Variants in CMYA5 observed in about 807,000 individuals in gnomAD.
CMYA5 encodes cardiomyopathy associated 5, also known as cardiomyopathy-associated protein 5.
Under a neutral mutation model 318.9 loss-of-function variants are expected in CMYA5, and 246 were observed. That is an observed-to-expected ratio of 0.77 (90% CI 0.70 to 0.86). CMYA5 has a LOEUF of 0.86. Among genes scored for constraint, CMYA5 ranks in the 40% least tolerant of loss-of-function variants. The probability of loss-of-function intolerance (pLI) is 0.00; values close to 1 mark genes in which losing one functional copy is unlikely to be tolerated. For missense variants in CMYA5, 4,589 were observed against 4,678.2 expected, an observed-to-expected ratio of 0.98 and a Z score of 0.56; for synonymous variants, 1,641 against 1,729.5, an observed-to-expected ratio of 0.95 and a Z score of 1.27.
chr5:79,713,598 GCCCCAGCTC>G (rs958415637), intron 1 of CMYA5, among the ~76,000 whole-genome samples: 1 of 152,040 alleles, frequency 6.6e-6, no homozygotes, highest in Non-Finnish European at 1.5e-5. Context: ...TTGAATAACA[GCCCCAGCTC>G]ATGGCCAAGA....
intron 1 of CMYA5, among the ~76,000 whole-genome samples, chr5:79,728,305 G>A (rs1827790877): frequency 6.7e-6 from 1 of 149,516 alleles, no homozygotes; most frequent in Admixed American, 6.6e-5. Context: ...AGAGAGCTAA[G>A]GATTTTGAAC....
In CMYA5 at chr5:79,799,359, T is replaced by G; in HGVS notation, c.11964-11T>G. 6.3e-7 allele frequency: 1 copy of G among 1,585,662 alleles called. No individual in the cohort carries two copies. Among genetic ancestry groups the G allele is most frequent in the Non-Finnish European group, 8.6e-7 (1 of 1,159,016 alleles). On this transcript the variant is annotated splice_polypyrimidine_tract_variant and intron_variant, in intron 12 of 12. Coordinates refer to ENST00000446378, the MANE Select transcript of CMYA5 (RefSeq NM_153610.5). ...CCAGAGTTTTATGTTTCCCATTCGC[T>G]TTCATTTCAGATACACATTTTTCTA... is the stretch of plus-strand genomic sequence containing the variant.
chr5:79,732,237 T>C lies in CMYA5; in HGVS notation c.3472T>C (p.Ser1158Pro). 1 of 1,613,850 alleles carries C rather than the reference T, an allele frequency of 6.2e-7. No homozygotes were observed. Among genetic ancestry groups the C allele is most frequent in the Non-Finnish European group, 8.5e-7 (1 of 1,179,860 alleles). Residue 1158 changes from serine (S) to proline (P), a missense_variant, in exon 2 of 13, where the codon TCT becomes CCT. Transcript: ENST00000446378. ...AIPAALPAQS[S>P]IVKEETKPAS... ...ACCTGCTGCTTTACCTGCACAATCA[T>C]CTATAGTAAAGGAAGAAACCAAACC...
intron 5 of CMYA5, among the ~76,000 whole-genome samples, chr5:79,750,227 G>A (rs1828404964): frequency 6.6e-6 from 1 of 150,928 alleles, no homozygotes; most frequent in South Asian, 2.1e-4. Flanking sequence ...GATTCATCTT[G>A]TGAAGAGATG....
intron 1 of CMYA5, among the ~76,000 whole-genome samples, chr5:79,699,833 A>T (rs1259003654): frequency 6.6e-6 from 1 of 152,246 alleles, no homozygotes; most frequent in Non-Finnish European, 1.5e-5. Flanking sequence ...AACTGCCTGA[A>T]ACCAAATGTG....
intron 1 of CMYA5, among the ~76,000 whole-genome samples, chr5:79,721,659 T>C (rs1827642323): frequency 6.6e-6 from 1 of 152,172 alleles, no homozygotes; most frequent in Non-Finnish European, 1.5e-5. Flanking sequence ...ATAGCTGGCA[T>C]AATGCTATTA....
chr5:79,700,024 C>G (rs1170004104), intron 1 of CMYA5, among the ~76,000 whole-genome samples: 1 of 152,180 alleles, frequency 6.6e-6, no homozygotes, highest in Non-Finnish European at 1.5e-5. Flanking sequence ...GAAGATCAGG[C>G]CTTATTTATC....
At chr5:79,785,980 G>T (rs1246490193) in intron 9 of CMYA5, among the ~76,000 whole-genome samples, 2 of 152,130 alleles carry the variant, frequency 1.3e-5, no homozygotes, top group African/African-American at 4.8e-5. Flanking sequence ...AGCTGCTGGG[G>T]GCTTCCACTC....
chr5:79,731,834 T>C lies in CMYA5; in HGVS notation c.3069T>C (p.Pro1023=). 6.2e-7 allele frequency: 1 copy of C among 1,613,120 alleles called. No homozygotes were observed. The highest frequency in any genetic ancestry group is 8.5e-7 in the Non-Finnish European group (1 of 1,179,698). Residue 1023 remains proline (P), a synonymous_variant, in exon 2 of 13, where the codon CCT becomes CCC. Transcript: ENST00000446378. ...ISETEKNELE[P]DSLLTAVSAS... ...AAACAGAGAAAAATGAACTTGAGCCTGATTCACTATTAACTGCAGTGTCTG... is the reference window on the plus strand; with the variant it reads ...AAACAGAGAAAAATGAACTTGAGCCCGATTCACTATTAACTGCAGTGTCTG...
At chr5:79,722,245 A>G (rs1476656131) in intron 1 of CMYA5, among the ~76,000 whole-genome samples, 1 of 152,264 alleles carries the variant, frequency 6.6e-6, no homozygotes, top group Non-Finnish European at 1.5e-5. Context: ...AGGAAATTTT[A>G]AAACATTTTG....
In CMYA5 at chr5:79,716,090, A is replaced by G. The variant is rs781101885; in HGVS notation, c.150-12825A>G. Among the ~76,000 whole-genome samples, 7 of 152,188 alleles carry G rather than the reference A, an allele frequency of 4.6e-5. No individual in the cohort carries two copies. In the South Asian group the frequency reaches 6.2e-4, roughly 14 times the overall value. Reference sequence around the variant, plus strand: ...CTCACAAGCACGTAGATTATCTATTATATCTGTTCTTACTATCAAGTGGTG... The same window carrying G: ...CTCACAAGCACGTAGATTATCTATTGTATCTGTTCTTACTATCAAGTGGTG... On this transcript the variant is annotated intron_variant, in intron 1 of 12. Coordinates refer to ENST00000446378, the MANE Select transcript of CMYA5 (RefSeq NM_153610.5).
chr5:79,793,211 A>T (rs1344022779), intron 11 of CMYA5, among the ~76,000 whole-genome samples: 1 of 152,138 alleles, frequency 6.6e-6, no homozygotes, highest in Non-Finnish European at 1.5e-5. Context: ...TGCATGTTGT[A>T]TGTATGTGAC....
chr5:79,759,045 T>C (rs1176993558), intron 7 of CMYA5, 143 bp downstream of exon 7: 10 of 671,870 alleles, frequency 1.5e-5, no homozygotes, highest in Non-Finnish European at 2.2e-5. Flanking sequence ...CCAACAACCA[T>C]ATAATGAAAT....
At chr5:79,708,403 C>A (rs1025942000) in intron 1 of CMYA5, among the ~76,000 whole-genome samples, 2 of 151,920 alleles carry the variant, frequency 1.3e-5, no homozygotes, top group African/African-American at 2.4e-5. Context: ...AGGCAGATCA[C>A]GAGGTCAGGA....
rs544958216 is a variant in CMYA5 at position 79,753,519 on chromosome 5, C to T, written c.11110+725C>T. Among the ~76,000 whole-genome samples the T allele has an allele frequency of 2.0e-4, 31 of 151,964 alleles. 1 individual carries two copies. The South Asian group carries it at 4.8e-3, about 24-fold the overall frequency. On this transcript the variant is annotated intron_variant, in intron 6 of 12. Transcript: ENST00000446378. The stretch of plus-strand genomic sequence containing the variant: ...ATTACAGCTATTCAGGAGGCTGAGG[C>T]GGGAGGATCACTTGAGCCTAAGGGT...
At chr5:79,742,397 G>C (rs1003862730) in intron 2 of CMYA5, among the ~76,000 whole-genome samples, 12 of 152,094 alleles carry the variant, frequency 7.9e-5, no homozygotes, top group African/African-American at 2.7e-4. Flanking sequence ...ATGTTGCCCA[G>C]TCTGGTCTCG....
At position 79,737,690 on chromosome 5, in the gene CMYA5, T is replaced by C. The variant is rs536316522; in HGVS notation, c.8925T>C (p.Asp2975=). The C allele has an allele frequency of 1.9e-6, 3 of 1,612,450 alleles. No homozygotes were observed. Among genetic ancestry groups the C allele is most frequent in the Admixed American group, 1.7e-5 (1 of 59,732 alleles). Residue 2975 remains aspartate (D), a synonymous_variant, in exon 2 of 13, where the codon GAT becomes GAC. Coordinates refer to ENST00000446378, the MANE Select transcript of CMYA5 (RefSeq NM_153610.5). ...IDQEESEQMQ[D]KLEYLEEKAS... ...AGGAAGAAAGTGAACAAATGCAAGA[T>C]AAATTAGAATATTTGGAAGAGAAAG...
chr5:79,701,854 G>A (rs974698406), intron 1 of CMYA5, among the ~76,000 whole-genome samples: 10 of 152,272 alleles, frequency 6.6e-5, no homozygotes, highest in East Asian at 1.9e-4. Context: ...GAGGCCAGGC[G>A]TGGTGGCTCA....
chr5:79,753,894 C>T (rs1392529671), intron 6 of CMYA5, among the ~76,000 whole-genome samples: 3 of 152,154 alleles, frequency 2.0e-5, no homozygotes, highest in Non-Finnish European at 4.4e-5. Context: ...ACAGTGATTG[C>T]AAACTAAGAA....
Sources: gnomAD v4.1 joint callset for allele counts (sites outside exome capture counted in the v4.1 genomes callset) on GRCh38, gnomAD v4.1.1 for gene constraint, MANE v1.5 for transcripts, NCBI Gene and HGNC (gene_info 2026-07-23, HGNC 2026-07-21) for gene names.